The following CAMK4 variants were observed in gnomAD, a reference collection of about 807,000 sequenced individuals.
CAMK4 encodes the protein calcium/calmodulin-dependent protein kinase type IV.
CAMK4 carries 22 observed loss-of-function variants against 44.9 expected under a neutral mutation model. That is an observed-to-expected ratio of 0.49 (90% confidence interval 0.35 to 0.70). The LOEUF (loss-of-function observed/expected upper bound fraction) is 0.70. Among genes scored for constraint, CAMK4 ranks in the 30% least tolerant of loss-of-function variants. The probability of loss-of-function intolerance (pLI) is 0.01; values close to 1 mark genes in which losing one functional copy is unlikely to be tolerated. For missense variants in CAMK4, 498 were observed against 586.8 expected (o/e 0.85, Z 1.56); for synonymous variants, 218 against 215.4 (o/e 1.01, Z -0.11).
intron 1 of CAMK4, among the ~76,000 whole-genome samples, chr5:111,332,831 C>A (rs1365752278): frequency 6.6e-6 from 1 of 151,476 alleles, no homozygotes; most frequent in Non-Finnish European, 1.5e-5. Flanking sequence ...AAATTACAAC[C>A]AAATTGTGGA....
intron 4 of CAMK4, among the ~76,000 whole-genome samples, chr5:111,381,443 G>C (rs1219216130): frequency 6.6e-6 from 1 of 152,170 alleles, no homozygotes; most frequent in Non-Finnish European, 1.5e-5. Flanking sequence ...GTAAGTCCAA[G>C]AGTCGGAAAG....
At chr5:111,332,072 A>G (rs1405145999) in intron 1 of CAMK4, among the ~76,000 whole-genome samples, 1 of 151,516 alleles carries the variant, frequency 6.6e-6, no homozygotes. Context: ...CAATTTAAGC[A>G]TCCTTTTCTT....
intron 2 of CAMK4, among the ~76,000 whole-genome samples, chr5:111,350,127 C>A (rs1302795091): frequency 6.6e-6 from 1 of 151,998 alleles, no homozygotes; most frequent in Non-Finnish European, 1.5e-5. Context: ...TATAGAATAT[C>A]TCTCAATCTG....
At chr5:111,337,190 CT>C (rs1749443109) in intron 1 of CAMK4, among the ~76,000 whole-genome samples, 1 of 151,036 alleles carries the variant, frequency 6.6e-6, no homozygotes, top group Non-Finnish European at 1.5e-5. Context: ...TCATTAATTC[CT>C]TTTTTATTTC....
chr5:111,442,437 C>T, intron 5 of CAMK4, among the ~76,000 whole-genome samples: 1 of 151,924 alleles, frequency 6.6e-6, no homozygotes, highest in East Asian at 1.9e-4. Flanking sequence ...GTGGAAATTG[C>T]AGTAAGCCAA....
At chr5:111,431,033 A>G (rs1477396210) in intron 5 of CAMK4, among the ~76,000 whole-genome samples, 1 of 152,046 alleles carries the variant, frequency 6.6e-6, no homozygotes, top group Non-Finnish European at 1.5e-5. Context: ...AAACAAAAAC[A>G]AAAAACAAAA....
chr5:111,239,252 CT>C (rs1748881892), intron 1 of CAMK4, among the ~76,000 whole-genome samples: 1 of 152,082 alleles, frequency 6.6e-6, no homozygotes, highest in Non-Finnish European at 1.5e-5. Context: ...CTTGAAAAAC[CT>C]ATGATGCTTA....
intron 6 of CAMK4, among the ~76,000 whole-genome samples, chr5:111,447,703 C>T (rs142124137): frequency 2.0e-5 from 3 of 152,190 alleles, no homozygotes; most frequent in Non-Finnish European, 4.4e-5. Flanking sequence ...CCTTCCTTAT[C>T]GTGCTAATCT....
chr5:111,319,268 G>A (rs1337749557), intron 1 of CAMK4, among the ~76,000 whole-genome samples: 1 of 152,066 alleles, frequency 6.6e-6, no homozygotes, highest in African/African-American at 2.4e-5. Context: ...TAAGTTTTTG[G>A]GACCTTTCTA....
intron 4 of CAMK4, among the ~76,000 whole-genome samples, chr5:111,389,460 G>C (rs1580688887): frequency 6.6e-6 from 1 of 152,146 alleles, no homozygotes. Flanking sequence ...ATATAGAGAG[G>C]AGATTGTAGT....
At chr5:111,374,066 C>A (rs1751116729) in intron 2 of CAMK4, among the ~76,000 whole-genome samples, 1 of 152,110 alleles carries the variant, frequency 6.6e-6, no homozygotes, top group Admixed American at 6.6e-5. Context: ...GCAACAGAAA[C>A]TAACTCTGGA....
intron 1 of CAMK4, among the ~76,000 whole-genome samples, chr5:111,286,573 T>C (rs1174943408): frequency 6.6e-6 from 1 of 152,186 alleles, no homozygotes; most frequent in African/African-American, 2.4e-5. Flanking sequence ...TCTGTGTAAG[T>C]CTCAAGGGCA....
At chr5:111,457,980 C>T (rs189233735) in intron 7 of CAMK4, among the ~76,000 whole-genome samples, 84 of 152,318 alleles carry the variant, frequency 5.5e-4, no homozygotes, top group African/African-American at 1.9e-3. Flanking sequence ...TTCTACTTGA[C>T]CGGCTCGTGT....
chr5:111,260,169 C>A (rs944337946), intron 1 of CAMK4, among the ~76,000 whole-genome samples: 11 of 152,130 alleles, frequency 7.2e-5, no homozygotes, highest in African/African-American at 2.2e-4. Context: ...ATCCTGATCT[C>A]TCATTGTCTT....
intron 1 of CAMK4, among the ~76,000 whole-genome samples, chr5:111,227,505 G>T (rs1317901102): frequency 6.6e-6 from 1 of 152,200 alleles, no homozygotes; most frequent in Non-Finnish European, 1.5e-5. Flanking sequence ...CATTACAGTT[G>T]TCTGTTGTAA....
intron 7 of CAMK4, among the ~76,000 whole-genome samples, chr5:111,454,661 AAAG>A (rs1754355108): frequency 6.6e-6 from 1 of 151,530 alleles, no homozygotes; most frequent in Non-Finnish European, 1.5e-5. Flanking sequence ...AAAAAAAAAA[AAAG>A]AAAAAATCGA....
chr5:111,433,179 T>C (rs1753523233), intron 5 of CAMK4, among the ~76,000 whole-genome samples: 1 of 152,208 alleles, frequency 6.6e-6, no homozygotes, highest in African/African-American at 2.4e-5. Flanking sequence ...CTTATATTCA[T>C]ATATTCTTTG....
intron 2 of CAMK4, among the ~76,000 whole-genome samples, chr5:111,351,753 A>G (rs1750116659): frequency 6.6e-6 from 1 of 152,092 alleles, no homozygotes; most frequent in Admixed American, 6.6e-5. Flanking sequence ...TTAAAATGGT[A>G]CTCATAAAAA....
intron 2 of CAMK4, among the ~76,000 whole-genome samples, chr5:111,346,514 C>CTATCTATCTATG (rs1749875656): frequency 6.8e-6 from 1 of 147,322 alleles, no homozygotes; most frequent in Non-Finnish European, 1.5e-5. Context: ...ATCTATCTAT[C>CTATCTATCTATG]TCCATCCATC....
Sources: allele counts gnomAD v4.1 joint callset (sites outside exome capture counted in the v4.1 genomes callset), GRCh38; gene constraint gnomAD v4.1.1; transcripts MANE v1.5; gene names NCBI Gene and HGNC (gene_info 2026-07-23, HGNC 2026-07-21).